The following PPM1E variants were observed in gnomAD, a reference collection of about 807,000 sequenced individuals.
PPM1E encodes the protein protein phosphatase, Mg2+/Mn2+ dependent 1E.
In PPM1E, 20 loss-of-function variants were observed where a neutral mutation model predicts 65.9. The ratio of observed to expected loss-of-function variants is 0.30; its 90% confidence interval spans 0.21 to 0.44. The LOEUF is 0.44. PPM1E is among the 20% of genes least tolerant of loss of function. PPM1E has a pLI of 1.00. For missense variants in PPM1E, 713 were observed against 953.1 expected, an observed-to-expected ratio of 0.75 and a Z score of 3.32; for synonymous variants, 352 against 374.9, an observed-to-expected ratio of 0.94 and a Z score of 0.70.
At chr17:58,786,188 G>A (rs1236056828) in intron 1 of PPM1E, among the ~76,000 whole-genome samples, 6 of 151,762 alleles carry the variant, frequency 4.0e-5, no homozygotes, top group Admixed American at 2.6e-4. Flanking sequence ...CTAATTTTTT[G>A]TATTTTTAGT....
At chr17:58,845,676 A>T (rs923800683) in intron 1 of PPM1E, among the ~76,000 whole-genome samples, 1 of 151,870 alleles carries the variant, frequency 6.6e-6, no homozygotes, top group Non-Finnish European at 1.5e-5. Flanking sequence ...ATTAGAATTT[A>T]TTTATTTTTG....
At chr17:58,818,516 T>C (rs951368231) in intron 1 of PPM1E, among the ~76,000 whole-genome samples, 2 of 152,192 alleles carry the variant, frequency 1.3e-5, no homozygotes, top group African/African-American at 4.8e-5. Context: ...TAAAAAATGG[T>C]AATTGGACCT....
chr17:58,875,330 T>G (rs2051116663), intron 1 of PPM1E, among the ~76,000 whole-genome samples: 1 of 152,174 alleles, frequency 6.6e-6, no homozygotes, highest in South Asian at 2.1e-4. Context: ...AAGCACAGAT[T>G]GACACTTTGA....
intron 1 of PPM1E, among the ~76,000 whole-genome samples, chr17:58,799,919 A>G (rs1216115210): frequency 6.6e-6 from 1 of 152,220 alleles, no homozygotes; most frequent in African/African-American, 2.4e-5. Context: ...AAATTATCCA[A>G]CCTTGTTTCT....
At chr17:58,766,775 A>T (rs2049884455) in intron 1 of PPM1E, among the ~76,000 whole-genome samples, 1 of 152,134 alleles carries the variant, frequency 6.6e-6, no homozygotes, top group Non-Finnish European at 1.5e-5. Flanking sequence ...AAAAGGAATG[A>T]TCTCTTAAGT....
At chr17:58,839,473 A>G (rs1229963174) in intron 1 of PPM1E, among the ~76,000 whole-genome samples, 1 of 152,198 alleles carries the variant, frequency 6.6e-6, no homozygotes, top group Non-Finnish European at 1.5e-5. Context: ...TGCTACCCTA[A>G]CTTTGAAAAT....
At chr17:58,947,397 C>T (rs576923651) in intron 1 of PPM1E, among the ~76,000 whole-genome samples, 40 of 151,826 alleles carry the variant, frequency 2.6e-4, no homozygotes, top group African/African-American at 9.7e-4. Context: ...CCACCACACC[C>T]AGCTAGTTTT....
intron 3 of PPM1E, among the ~76,000 whole-genome samples, chr17:58,967,770 G>T (rs1173215599): frequency 6.6e-6 from 1 of 150,678 alleles, no homozygotes; most frequent in African/African-American, 2.4e-5. Flanking sequence ...CTTTAGTAGG[G>T]ATAGAAATTC....
chr17:58,973,038 T>C, intron 6 of PPM1E, 113 bp downstream of exon 6: 1 of 664,036 alleles, frequency 1.5e-6, no homozygotes, highest in South Asian at 1.9e-5. Context: ...GAATGCTTAT[T>C]ATTCTTTAAA....
chr17:58,918,195 C>G (rs959055509), intron 1 of PPM1E, among the ~76,000 whole-genome samples: 2 of 152,154 alleles, frequency 1.3e-5, no homozygotes, highest in Admixed American at 1.3e-4. Context: ...GGATTGGTTT[C>G]TTTGGATGGT....
At chr17:58,934,298 G>A (rs1169136790) in intron 1 of PPM1E, among the ~76,000 whole-genome samples, 1 of 152,106 alleles carries the variant, frequency 6.6e-6, no homozygotes, top group Non-Finnish European at 1.5e-5. Flanking sequence ...TTCTCTGTGT[G>A]TAGTGTGCAC....
chr17:58,896,440 C>T, intron 1 of PPM1E, among the ~76,000 whole-genome samples: 1 of 151,980 alleles, frequency 6.6e-6, no homozygotes, highest in East Asian at 1.9e-4. Flanking sequence ...CAAAAATTAG[C>T]CGGGCATGGT....
intron 2 of PPM1E, among the ~76,000 whole-genome samples, chr17:58,957,727 A>T (rs192946136): frequency 6.6e-6 from 1 of 152,340 alleles, no homozygotes; most frequent in Admixed American, 6.5e-5. Context: ...TAAAAAAAAA[A>T]ATCCTTAAAT....
intron 1 of PPM1E, among the ~76,000 whole-genome samples, chr17:58,850,065 G>C (rs1238934022): frequency 6.6e-6 from 1 of 151,452 alleles, no homozygotes; most frequent in Non-Finnish European, 1.5e-5. Flanking sequence ...ATCTTTGTTG[G>C]TTTAAAGTCT....
chr17:58,826,307 A>T (rs985395039), intron 1 of PPM1E, among the ~76,000 whole-genome samples: 44 of 148,434 alleles, frequency 3.0e-4, no homozygotes, highest in African/African-American at 9.6e-4. Context: ...TCGATCTCAA[A>T]AAAAAAAAAA....
At chr17:58,785,504 C>A (rs1037231185) in intron 1 of PPM1E, 3 of 116,786 alleles carry the variant, frequency 2.6e-5, no homozygotes, top group Non-Finnish European at 5.4e-5. Flanking sequence ...GAACCAGGAT[C>A]TCTTTATGTT....
chr17:58,756,742 C>T (rs576003190), intron 1 of PPM1E, among the ~76,000 whole-genome samples: 1 of 152,258 alleles, frequency 6.6e-6, no homozygotes, highest in South Asian at 2.1e-4. Context: ...GCCCGGGCCC[C>T]TCATCCCCTT....
chr17:58,798,378 G>A (rs1053066740), intron 1 of PPM1E, among the ~76,000 whole-genome samples: 10 of 151,460 alleles, frequency 6.6e-5, no homozygotes, highest in African/African-American at 1.2e-4. Context: ...ACAGGCAGGC[G>A]CCACCACGCC....
intron 1 of PPM1E, among the ~76,000 whole-genome samples, chr17:58,869,723 A>G (rs1249025795): frequency 6.6e-6 from 1 of 152,162 alleles, no homozygotes; most frequent in African/African-American, 2.4e-5. Context: ...GGCTCATGAA[A>G]ATTTTGTTGA....
Sources: allele counts gnomAD v4.1 joint callset (sites outside exome capture counted in the v4.1 genomes callset), GRCh38; gene constraint gnomAD v4.1.1; transcripts MANE v1.5; gene names NCBI Gene and HGNC (gene_info 2026-07-23, HGNC 2026-07-21).